The following UTRN variants were observed in gnomAD, a reference collection of about 807,000 sequenced individuals.
UTRN encodes dystrophin-related protein 1.
In UTRN, 283 loss-of-function variants were observed where a neutral mutation model predicts 463.9. That is an observed-to-expected ratio of 0.61 (90% CI 0.55 to 0.67). The LOEUF is 0.67. Among genes scored for constraint, UTRN ranks in the 30% least tolerant of loss-of-function variants. The pLI is 0.00. For synonymous variants in UTRN, 1,442 were observed against 1,431.5 expected (o/e 1.01, Z -0.17); for missense variants, 3,922 against 4,084.3 (o/e 0.96, Z 1.08).
At chr6:144,511,451 T>A (rs973085121) in intron 35 of UTRN, among the ~76,000 whole-genome samples, 4 of 152,346 alleles carry the variant, frequency 2.6e-5, no homozygotes, top group Admixed American at 1.3e-4. Context: ...TATAAAATCT[T>A]CATAGTGTTT....
intron 2 of UTRN, chr6:144,398,453 T>G: frequency 8.2e-6 from 3 of 365,888 alleles, no homozygotes; most frequent in Non-Finnish European, 1.6e-5. Context: ...CATGGAAGCA[T>G]GTGCTGGCAT....
chr6:144,493,361 A>C lies in UTRN; in HGVS notation c.4498A>C (p.Arg1500=). The change falls in exon 33 of 75, where the codon AGA becomes CGA. Residue 1500 remains arginine (R), a synonymous_variant. Coordinates refer to ENST00000367545, the MANE Select transcript of UTRN (RefSeq NM_007124.3). ...LEVETVIKTG[R]HIVQKQQTDN... is the part of the protein sequence containing the mutation. ...AGTGGAAACTGTGATTAAAACAGGA[A>C]GACATATTGTCCAGAAACAGCAAAC... 1.2e-6 allele frequency: 2 copies of C among 1,614,178 alleles called. No homozygotes were observed. The highest frequency in any genetic ancestry group is 1.7e-6 in the Non-Finnish European group (2 of 1,179,994).
intron 34 of UTRN, among the ~76,000 whole-genome samples, chr6:144,500,082 A>C (rs1034145392): frequency 2.0e-5 from 3 of 152,194 alleles, no homozygotes; most frequent in African/African-American, 4.8e-5. Flanking sequence ...ATATGAGTGC[A>C]TGTGTCTTTT....
At chr6:144,491,178 C>T (rs1793039074) in intron 32 of UTRN, 76 bp downstream of exon 32, 12 of 1,404,800 alleles carry the variant, frequency 8.5e-6, no homozygotes, top group Non-Finnish European at 1.1e-5. Flanking sequence ...AAGTACATGC[C>T]TAGTGTGTCC....
intron 71 of UTRN, among the ~76,000 whole-genome samples, chr6:144,838,392 T>C (rs1781280677): frequency 1.3e-5 from 2 of 152,184 alleles, no homozygotes; most frequent in Non-Finnish European, 2.9e-5. Context: ...ACTCTAATAG[T>C]AAAAACTAGC....
intron 29 of UTRN, 47 bp downstream of exon 29, chr6:144,487,744 G>A (rs2128577404): frequency 6.5e-7 from 1 of 1,533,886 alleles, no homozygotes; most frequent in South Asian, 1.3e-5. Flanking sequence ...TTGATGAAGT[G>A]GAGCTGGCCC....
Position 144,493,489 on chromosome 6 carries a change from G to GTCTC in UTRN, c.4593+50_4593+53dup, listed in dbSNP as rs57311494. On this transcript the variant is annotated intron_variant, in intron 33 of 74. Transcript: ENST00000367545. ...GAGCAGCCCCACAGCTCATCTCTCT[G>GTCTC]TCTCTCTCTCTCTCTCTCTCAATCT... 160 of 1,511,224 alleles carry GTCTC rather than the reference G, an allele frequency of 1.1e-4. 1 individual carries two copies. The highest frequency in any genetic ancestry group is 8.0e-4 in the East Asian group (33 of 41,212). 93.6% of individuals were successfully genotyped at this position (1,511,224 alleles called of 1,614,324 possible). A position where few individuals can be genotyped will look rare whatever the true frequency, so the allele number is the denominator to read the frequency against.
chr6:144,765,047 G>A (rs1256024026), intron 58 of UTRN, among the ~76,000 whole-genome samples: 1 of 144,934 alleles, frequency 6.9e-6, no homozygotes, highest in East Asian at 2.3e-4. Context: ...TGAGGGTAGG[G>A]TTGGGTGGGA....
intron 58 of UTRN, among the ~76,000 whole-genome samples, chr6:144,765,690 CA>C (rs1405692116): frequency 6.6e-6 from 1 of 152,170 alleles, no homozygotes; most frequent in Non-Finnish European, 1.5e-5. Flanking sequence ...GGATTACAGA[CA>C]TGAGCCACTG....
chr6:144,424,505 T>C (rs896121444), intron 6 of UTRN, among the ~76,000 whole-genome samples: 4 of 152,184 alleles, frequency 2.6e-5, no homozygotes, highest in African/African-American at 4.8e-5. Context: ...TATTTCCAAA[T>C]AGAGCCCCTC....
intron 58 of UTRN, among the ~76,000 whole-genome samples, chr6:144,764,374 C>A (rs1793037124): frequency 6.6e-6 from 1 of 152,146 alleles, no homozygotes; most frequent in African/African-American, 2.4e-5. Context: ...CTTTGAGAGA[C>A]ATTAGGTAGT....
intron 23 of UTRN, among the ~76,000 whole-genome samples, chr6:144,467,910 T>G (rs1790120523): frequency 6.6e-6 from 1 of 152,168 alleles, no homozygotes; most frequent in Admixed American, 6.5e-5. Context: ...TCTTCCCTAC[T>G]AAGTGAGAGA....
intron 42 of UTRN, among the ~76,000 whole-genome samples, chr6:144,531,991 G>T (rs1383824336): frequency 6.6e-6 from 1 of 152,008 alleles, no homozygotes; most frequent in East Asian, 1.9e-4. Flanking sequence ...CAAAAAATTA[G>T]CCGGGCATGG....
chr6:144,714,461 C>T (rs1358691766), intron 53 of UTRN, among the ~76,000 whole-genome samples: 1 of 152,132 alleles, frequency 6.6e-6, no homozygotes, highest in Non-Finnish European at 1.5e-5. Context: ...ATTCAGCTAC[C>T]CTGCATTTAG....
intron 51 of UTRN, among the ~76,000 whole-genome samples, chr6:144,603,002 G>A (rs1804426118): frequency 6.6e-6 from 1 of 152,166 alleles, no homozygotes; most frequent in Non-Finnish European, 1.5e-5. Flanking sequence ...AACCTGCAAT[G>A]TCTCTGAGAT....
chr6:144,514,973 C>T (rs1270555256), intron 37 of UTRN, among the ~76,000 whole-genome samples, 153 bp downstream of exon 37: 1 of 152,216 alleles, frequency 6.6e-6, no homozygotes, highest in Admixed American at 6.5e-5. Context: ...GTGGCATGAG[C>T]TCACTGCAAC....
At chr6:144,796,067 T>C (rs1157214677) in intron 63 of UTRN, among the ~76,000 whole-genome samples, 3 of 152,206 alleles carry the variant, frequency 2.0e-5, no homozygotes, top group African/African-American at 4.8e-5. Flanking sequence ...AAGTCTTTAA[T>C]CCATCTTGAG....
intron 54 of UTRN, among the ~76,000 whole-genome samples, chr6:144,732,214 T>TTATATATATATATATATATATG (rs1788612855): frequency 6.5e-5 from 6 of 92,298 alleles, no homozygotes; most frequent in African/African-American, 2.3e-4. Context: ...GTACTCTGTT[T>TTATATATATATATATATATATG]TATATATATA....
intron 52 of UTRN, among the ~76,000 whole-genome samples, chr6:144,686,666 A>C (rs1383925419): frequency 1.3e-5 from 2 of 151,530 alleles, no homozygotes; most frequent in African/African-American, 4.9e-5. Flanking sequence ...TTTTTTTTTA[A>C]CTGTTGTTGC....
Sources: gnomAD v4.1 joint callset for allele counts (sites outside exome capture counted in the v4.1 genomes callset) on GRCh38, gnomAD v4.1.1 for gene constraint, MANE v1.5 for transcripts, NCBI Gene and HGNC (gene_info 2026-07-23, HGNC 2026-07-21) for gene names.